The following DROSHA variants were observed in gnomAD, a reference collection of about 807,000 sequenced individuals.
The protein encoded by DROSHA is ribonuclease 3.
In DROSHA, 56 loss-of-function variants were observed where a neutral mutation model predicts 181.9. The ratio of observed to expected loss-of-function variants is 0.31; its 90% CI spans 0.25 to 0.38. The LOEUF is 0.38. DROSHA is among the 10% of genes least tolerant of loss of function. DROSHA has a pLI of 1.00. For missense variants in DROSHA, 1,218 were observed against 1,743.5 expected (o/e 0.70, Z 5.37); for synonymous variants, 524 against 591.2 (o/e 0.89, Z 1.65).
chr5:31,529,253 T>G, intron 3 of DROSHA, 148 bp from the exon 4 acceptor site: 3 of 686,022 alleles, frequency 4.4e-6, no homozygotes. Context: ...TGAACTGTGT[T>G]AAAGTTTCCA....
chr5:31,500,208 C>T (rs1325862573), intron 11 of DROSHA, among the ~76,000 whole-genome samples: 1 of 152,156 alleles, frequency 6.6e-6, no homozygotes, highest in Non-Finnish European at 1.5e-5. Context: ...TAATTGGGGT[C>T]ATTTCAGGGC....
At chr5:31,430,017 C>T (rs906243330) in intron 26 of DROSHA, among the ~76,000 whole-genome samples, 4 of 152,100 alleles carry the variant, frequency 2.6e-5, no homozygotes, top group African/African-American at 9.7e-5. Context: ...GGAAGCTTTA[C>T]CTTTAATTTG....
chr5:31,505,814 T>C (rs779494561), intron 10 of DROSHA: 2 of 152,144 alleles, frequency 1.3e-5, no homozygotes, highest in African/African-American at 4.8e-5. Context: ...TATACATATA[T>C]ACACACACAT....
rs1401079024 is a variant in DROSHA at position 31,428,727 on chromosome 5, C to T, written c.3216+748G>A. Among the ~76,000 whole-genome samples, 4 of 152,284 alleles carry T rather than the reference C, an allele frequency of 2.6e-5. No individual in the cohort carries two copies. The South Asian group carries it at 6.2e-4, about 24-fold the overall frequency. Reference sequence around the variant, plus strand: ...AGGTTTCACAGAGGCTTAAAACTGGCTTCCCGTGTTCTTTATTGCTCCATG... The same window carrying T: ...AGGTTTCACAGAGGCTTAAAACTGGTTTCCCGTGTTCTTTATTGCTCCATG... On this transcript the variant is annotated intron_variant, in intron 27 of 35. Coordinates refer to ENST00000344624, the MANE Select transcript of DROSHA (RefSeq NM_001382508.1).
chr5:31,497,661 T>C (rs1169919016), intron 11 of DROSHA, among the ~76,000 whole-genome samples: 1 of 152,188 alleles, frequency 6.6e-6, no homozygotes, highest in South Asian at 2.1e-4. Context: ...CAGAGATAGC[T>C]CCCATTCACT....
chr5:31,482,539 G>GTTT (rs1751152260), intron 16 of DROSHA, among the ~76,000 whole-genome samples: 1 of 152,138 alleles, frequency 6.6e-6, no homozygotes, highest in Non-Finnish European at 1.5e-5. Context: ...ATGGTCCAAG[G>GTTT]TTTTATCTTA....
chr5:31,415,302 A>T (rs1292556510), intron 30 of DROSHA, among the ~76,000 whole-genome samples: 1 of 152,196 alleles, frequency 6.6e-6, no homozygotes, highest in Non-Finnish European at 1.5e-5. Flanking sequence ...TATACTATTG[A>T]AAGTGACAAT....
rs779587523 is a variant in DROSHA at position 31,526,295 on chromosome 5, G to C, written c.638C>G (p.Pro213Arg). 6.2e-7 allele frequency: 1 copy of C among 1,613,904 alleles called. No homozygotes were observed. The highest frequency in any genetic ancestry group is 8.5e-7 in the Non-Finnish European group (1 of 1,179,872). Reference sequence around the variant, plus strand: ...GGACCTTCTCTCACTGGGAGCCTTTGGGAGTGGGTATGGAGGGAGATGTCT... The same window carrying C: ...GGACCTTCTCTCACTGGGAGCCTTTCGGAGTGGGTATGGAGGGAGATGTCT... ...HFRHLPPYPL[P>R]KAPSERRSPE... Residue 213 changes from proline (P) to arginine (R), a missense_variant, in exon 5 of 36, where the codon CCA (proline) becomes CGA (arginine). Coordinates refer to ENST00000344624, the MANE Select transcript of DROSHA (RefSeq NM_001382508.1).
At chr5:31,488,308 G>A (rs1285259458) in intron 13 of DROSHA, among the ~76,000 whole-genome samples, 1 of 151,550 alleles carries the variant, frequency 6.6e-6, no homozygotes, top group Non-Finnish European at 1.5e-5. Context: ...AGCTACTTGG[G>A]AGGCTGAGGC....
intron 10 of DROSHA, among the ~76,000 whole-genome samples, chr5:31,506,636 C>T (rs941176602): frequency 6.6e-6 from 1 of 150,660 alleles, no homozygotes; most frequent in African/African-American, 2.4e-5. Context: ...TGAGATTACA[C>T]CACTGCACTC....
intron 34 of DROSHA, 136 bp from the exon 35 acceptor site, chr5:31,405,859 CTGAT>C: frequency 1.4e-6 from 1 of 717,002 alleles, no homozygotes; most frequent in Non-Finnish European, 2.2e-6. Context: ...AAAATCTCCT[CTGAT>C]TACTTACAGT....
chr5:31,504,805 G>A (rs1737712456), intron 10 of DROSHA, among the ~76,000 whole-genome samples, 170 bp from the exon 11 acceptor site: 1 of 152,186 alleles, frequency 6.6e-6, no homozygotes, highest in South Asian at 2.1e-4. Context: ...GCTGCAAACT[G>A]TCTATATTGT....
chr5:31,420,040 G>A (rs868525837), intron 30 of DROSHA, among the ~76,000 whole-genome samples: 3 of 152,100 alleles, frequency 2.0e-5, no homozygotes, highest in African/African-American at 4.8e-5. Flanking sequence ...GATACTCATC[G>A]AGTGAGTGAA....
At chr5:31,444,089 G>A (rs766396749) in intron 23 of DROSHA, among the ~76,000 whole-genome samples, 48 of 152,334 alleles carry the variant, frequency 3.2e-4, no homozygotes, top group Admixed American at 4.6e-4. Context: ...ACATGGGCAC[G>A]ACAGAGGAAG....
At chr5:31,401,700 G>T (rs1740016408) in intron 35 of DROSHA, 138 bp from the exon 36 acceptor site, 1 of 522,906 alleles carries the variant, frequency 1.9e-6, no homozygotes, top group Non-Finnish European at 2.6e-6. Context: ...TAAGGCACAA[G>T]ATAGAAAACT....
intron 20 of DROSHA, among the ~76,000 whole-genome samples, chr5:31,453,858 T>A (rs1747321991): frequency 6.6e-6 from 1 of 151,752 alleles, no homozygotes; most frequent in Non-Finnish European, 1.5e-5. Flanking sequence ...TTTAAAAGTA[T>A]CAATCTTTGC....
In DROSHA at chr5:31,436,673, G is replaced by A. The variant is rs1021641409; in HGVS notation, c.2942+566C>T. 4.2e-4 allele frequency among the ~76,000 whole-genome samples: 64 copies of A among 151,936 alleles called. 1 individual carries two copies. The highest frequency in any genetic ancestry group is 8.1e-4 in the Non-Finnish European group (55 of 67,968). ...CTCCCAAAGTGCTGGGATTCCAGGC[G>A]TGAGCCACCGCGCCTAGCGTCCTAC... On this transcript the variant is annotated intron_variant, in intron 24 of 35. Coordinates refer to ENST00000344624, the MANE Select transcript of DROSHA (RefSeq NM_001382508.1).
At chr5:31,504,054 C>T (rs1737621260) in intron 11 of DROSHA, among the ~76,000 whole-genome samples, 1 of 152,190 alleles carries the variant, frequency 6.6e-6, no homozygotes, top group African/African-American at 2.4e-5. Context: ...TTATATATGA[C>T]TCTGCAATGT....
At chr5:31,528,935 C>A in intron 4 of DROSHA, 105 bp downstream of exon 4, 1 of 1,447,572 alleles carries the variant, frequency 6.9e-7, no homozygotes, top group Non-Finnish European at 9.5e-7. Flanking sequence ...ACATTATCCC[C>A]TCTCCCCATG....
Sources: allele counts gnomAD v4.1 joint callset (sites outside exome capture counted in the v4.1 genomes callset), GRCh38; gene constraint gnomAD v4.1.1; transcripts MANE v1.5; gene names NCBI Gene and HGNC (gene_info 2026-07-23, HGNC 2026-07-21).